Variants in RASSF5 observed in about 807,000 individuals in gnomAD.
RASSF5 encodes the protein Ras association domain family member 5, also known as ras association domain-containing protein 5.
RASSF5 carries 25 observed loss-of-function variants against 40.5 expected under a neutral mutation model. The observed-to-expected ratio is 0.62, with a 90% CI of 0.45 to 0.86. The LOEUF is 0.86. RASSF5 is among the 40% of genes least tolerant of loss of function. The probability of loss-of-function intolerance (pLI) is 0.00; values close to 1 mark genes in which losing one functional copy is unlikely to be tolerated. For synonymous variants in RASSF5, 246 were observed against 252.4 expected (o/e 0.97, Z 0.24); for missense variants, 521 against 572.8 (o/e 0.91, Z 0.92).
In RASSF5 at chr1:206,527,267, C is replaced by G. The variant is rs77564923; in HGVS notation, c.458-10905C>G. Among the ~76,000 whole-genome samples the G allele has an allele frequency of 6.2e-3, 942 of 152,228 alleles. 10 individuals are homozygous for G. Among genetic ancestry groups the G allele is most frequent in the African/African-American group, 0.021 (885 of 41,522 alleles). On this transcript the variant is annotated intron_variant, in intron 1 of 5. Coordinates refer to ENST00000579436, the MANE Select transcript of RASSF5 (RefSeq NM_182663.4). ...CTGATGTATGGCTGGTAAGTGGGTG[C>G]GCTCTGGTGCCAATCTCTGAGGTAG...
chr1:206,524,134 G>A (rs1317387548), intron 1 of RASSF5, among the ~76,000 whole-genome samples: 24 of 122,762 alleles, frequency 2.0e-4, no homozygotes, highest in Admixed American at 2.7e-4. Flanking sequence ...GATACCATAT[G>A]TAATATACTT....
intron 2 of RASSF5, among the ~76,000 whole-genome samples, chr1:206,545,345 GTTTTT>G (rs10709687): frequency 7.7e-6 from 1 of 130,270 alleles, no homozygotes; most frequent in Admixed American, 7.7e-5. Flanking sequence ...AATTTCTTGT[GTTTTT>G]TTTTTTTTTT....
chr1:206,519,423 A>G (rs1189545287), intron 1 of RASSF5, among the ~76,000 whole-genome samples: 2 of 152,172 alleles, frequency 1.3e-5, no homozygotes, highest in Non-Finnish European at 2.9e-5. Context: ...GTTTGCTTTT[A>G]ATATCATTTA....
At chr1:206,570,248 C>T (rs531439969) in intron 2 of RASSF5, among the ~76,000 whole-genome samples, 3 of 151,882 alleles carry the variant, frequency 2.0e-5, no homozygotes, top group Admixed American at 6.6e-5. Context: ...TGGACCACCA[C>T]GCTTGGCTAA....
At chr1:206,523,914 A>G (rs1197783622) in intron 1 of RASSF5, among the ~76,000 whole-genome samples, 5 of 113,312 alleles carry the variant, frequency 4.4e-5, no homozygotes, top group Non-Finnish European at 8.0e-5. Context: ...TATTTTATAT[A>G]TAATATATAT....
rs114536208 is a variant in RASSF5, at chr1:206,535,574, G to T, written c.458-2598G>T. Among the ~76,000 whole-genome samples the T allele has an allele frequency of 1.3e-5, 2 of 152,126 alleles. No individual in the cohort carries two copies. Among genetic ancestry groups the T allele is most frequent in the Non-Finnish European group, 2.9e-5 (2 of 68,012 alleles). On this transcript the variant is annotated intron_variant, in intron 1 of 5. Coordinates refer to ENST00000579436, the MANE Select transcript of RASSF5 (RefSeq NM_182663.4). The surrounding 1 kb of genome is among the most constrained non-coding windows in gnomAD (Gnocchi z 5.0). ...GCTGCAGCCTGTGATTACATGGTCC[G>T]ATGGAACAAAGTCTTTGGTGCTCAA...
chr1:206,530,061 T>G (rs577677415), intron 1 of RASSF5, among the ~76,000 whole-genome samples: 1 of 152,320 alleles, frequency 6.6e-6, no homozygotes, highest in East Asian at 1.9e-4. Context: ...GTCATCACAG[T>G]GTGGGTACGT....
intron 1 of RASSF5, 63 bp from the exon 2 acceptor site, chr1:206,538,109 C>A: frequency 6.2e-7 from 1 of 1,607,724 alleles, no homozygotes; most frequent in South Asian, 1.1e-5. Context: ...GGTTATTTCT[C>A]TGGGTGAAAG....
chr1:206,507,866 G>T lies in RASSF5; in HGVS notation c.264G>T (p.Gln88His). The change falls in exon 1 of 6, where the codon CAG (glutamine) becomes CAT (histidine). Residue 88 changes from glutamine (Q) to histidine (H), a missense_variant. Around this residue, in one of 2 missense-constraint regions of RASSF5, gnomAD observed 237 missense variants for 212.0 expected, o/e 1.12. Coordinates refer to ENST00000579436, the MANE Select transcript of RASSF5 (RefSeq NM_182663.4). Reference protein sequence around the residue: ...RPARPLRPGLQQRLRRRPGAP... With the variant: ...RPARPLRPGLHQRLRRRPGAP... ...CTCGCCCGCTCCGGCCTGGTCTGCA[G>T]CAGAGACTGCGGCGGCGGCCTGGAG... 1 of 1,489,548 alleles carries T rather than the reference G, an allele frequency of 6.7e-7. No individual in the cohort carries two copies. The highest frequency in any genetic ancestry group is 2.3e-4 in the Middle Eastern group (1 of 4,324). The allele number at this position is 1,489,548 out of a possible 1,614,324, so 92.3% of individuals were successfully genotyped here.
At chr1:206,564,944 C>T (rs191605215) in intron 2 of RASSF5, among the ~76,000 whole-genome samples, 51 of 152,244 alleles carry the variant, frequency 3.3e-4, no homozygotes, top group African/African-American at 9.4e-4. Context: ...CCTGGGGGCT[C>T]ATCTCCCCTC....
intron 5 of RASSF5, chr1:206,586,543 C>CGGT: frequency 6.7e-6 from 2 of 299,122 alleles, no homozygotes; most frequent in South Asian, 3.6e-5. Context: ...GTCAAGATCT[C>CGGT]GGCTGCTACA....
chr1:206,549,773 A>G (rs928691961), intron 2 of RASSF5, among the ~76,000 whole-genome samples: 2 of 152,086 alleles, frequency 1.3e-5, no homozygotes, highest in Non-Finnish European at 2.9e-5. Flanking sequence ...CTCTCTGTGT[A>G]CTCTACTCAG....
At chr1:206,576,926 C>T (rs1668678987) in intron 2 of RASSF5, among the ~76,000 whole-genome samples, 1 of 152,082 alleles carries the variant, frequency 6.6e-6, no homozygotes, top group African/African-American at 2.4e-5. Context: ...ACCTCAGCCT[C>T]CTGAGTAGCT....
intron 5 of RASSF5, chr1:206,586,554 CAG>C (rs1375988645): frequency 6.4e-6 from 2 of 310,688 alleles, no homozygotes; most frequent in Admixed American, 9.7e-5. Context: ...GGCTGCTACA[CAG>C]AAACTTAAGA....
intron 1 of RASSF5, among the ~76,000 whole-genome samples, chr1:206,525,667 G>A (rs536296840): frequency 6.6e-6 from 1 of 152,286 alleles, no homozygotes; most frequent in Non-Finnish European, 1.5e-5. Flanking sequence ...GCCCAGGCTG[G>A]TCCCAAATTT....
Position 206,513,771 on chromosome 1 carries a change from G to A in RASSF5, c.457+5712G>A, listed in dbSNP as rs1666679792. Among the ~76,000 whole-genome samples, 1 of 152,214 alleles carries A rather than the reference G, an allele frequency of 6.6e-6. No individual in the cohort carries two copies. Among genetic ancestry groups the A allele is most frequent in the Non-Finnish European group, 1.5e-5 (1 of 68,036 alleles). The stretch of plus-strand genomic sequence containing the variant: ...ATCTCAGGGTCGGAAGGGGAACAGA[G>A]CCAGTTTTGGGGCTTAGGGGAAACA... On this transcript the variant is annotated intron_variant, in intron 1 of 5. Transcript: ENST00000579436. This position sits in a 1 kb window ranked among gnomAD's most constrained non-coding sequence, Gnocchi z 5.0.
At position 206,523,751 on chromosome 1, in the gene RASSF5, TAATATAC is replaced by T. The variant is rs1553396606; in HGVS notation, c.458-14419_458-14413del. On this transcript the variant is annotated intron_variant, in intron 1 of 5. Transcript: ENST00000579436. Reference sequence around the variant, plus strand: ...TATATTATATATAATATATTTTATATAATATACATAATATATTTTATATATTATATAT... The same window carrying T: ...TATATTATATATAATATATTTTATATATAATATATTTTATATATTATATAT... Among the ~76,000 whole-genome samples the T allele has an allele frequency of 4.0e-5, 4 of 99,616 alleles. No homozygotes were observed. In the East Asian group the frequency reaches 1.1e-3, roughly 28 times the overall value. The allele number at this position is 99,616 out of a possible 152,430, so 65.4% of individuals were successfully genotyped here.
intron 2 of RASSF5, among the ~76,000 whole-genome samples, chr1:206,565,880 C>T (rs1487213686): frequency 1.3e-5 from 2 of 152,184 alleles, no homozygotes; most frequent in African/African-American, 4.8e-5. Context: ...AAAGCAGAGC[C>T]TCCTGGAGCT....
At chr1:206,518,240 C>A in intron 1 of RASSF5, 2 of 393,808 alleles carry the variant, frequency 5.1e-6, no homozygotes, top group East Asian at 7.2e-5. Flanking sequence ...CAGAAGGCAT[C>A]GTCAGTCGTT....
Sources: allele counts gnomAD v4.1 joint callset (sites outside exome capture counted in the v4.1 genomes callset), GRCh38; gene constraint gnomAD v4.1.1; regional missense constraint gnomAD v4.1.1; non-coding constraint Gnocchi (gnomAD v3.1); transcripts MANE v1.5; gene names NCBI Gene and HGNC (gene_info 2026-07-23, HGNC 2026-07-21).